NDUFS4: variants seen among roughly 807,000 people sequenced by gnomAD.
The protein encoded by NDUFS4 is NADH dehydrogenase [ubiquinone] iron-sulfur protein 4, mitochondrial.
A neutral mutation model predicts 24.3 loss-of-function variants in NDUFS4; 28 were observed. That is an observed-to-expected ratio of 1.15 (90% CI 0.85 to 1.58). NDUFS4 has a LOEUF of 1.58. Ranked by LOEUF, NDUFS4 falls within the 40% of genes most tolerant of loss-of-function variation. NDUFS4 has a pLI of 0.00. For synonymous variants in NDUFS4, 93 were observed against 69.7 expected, an observed-to-expected ratio of 1.34 and a Z score of -1.67; for missense variants, 223 against 207.9, an observed-to-expected ratio of 1.07 and a Z score of -0.45.
At chr5:53,563,236 C>CAAAAAAAAAAA (rs906204561) in intron 1 of NDUFS4, among the ~76,000 whole-genome samples, 6 of 105,042 alleles carry the variant, frequency 5.7e-5, no homozygotes, top group Non-Finnish European at 9.3e-5. Flanking sequence ...CTCAAAAAAA[C>CAAAAAAAAAAA]AAAAAAAAAA....
Position 53,653,668 on chromosome 5 carries a change from C to T in NDUFS4, c.351-4883C>T, listed in dbSNP as rs532895005. On this transcript the variant is annotated intron_variant, in intron 3 of 4. Coordinates refer to ENST00000296684, the MANE Select transcript of NDUFS4 (RefSeq NM_002495.4). ...ACCCTCTCACCAGTATACCCGCCCT[C>T]CCTCCATAGAAGCCCCCACAACAAT... Among the ~76,000 whole-genome samples the T allele has an allele frequency of 5.3e-5, 8 of 152,192 alleles. No individual in the cohort carries two copies. In the East Asian group the frequency reaches 1.5e-3, roughly 29 times the overall value.
intron 1 of NDUFS4, among the ~76,000 whole-genome samples, chr5:53,573,160 CA>C (rs1198412390): frequency 6.6e-6 from 1 of 150,634 alleles, no homozygotes; most frequent in Non-Finnish European, 1.5e-5. Context: ...TTTTTGTAGA[CA>C]TGGGTGTCTC....
intron 1 of NDUFS4, among the ~76,000 whole-genome samples, chr5:53,596,872 C>T (rs1031824412): frequency 6.6e-6 from 1 of 151,974 alleles, no homozygotes; most frequent in Non-Finnish European, 1.5e-5. Context: ...TCTAAAAGTC[C>T]AACACATTAT....
intron 2 of NDUFS4, among the ~76,000 whole-genome samples, chr5:53,643,907 A>G (rs1251957076): frequency 1.3e-5 from 2 of 152,166 alleles, no homozygotes; most frequent in Non-Finnish European, 2.9e-5. Flanking sequence ...CCAACTTTAA[A>G]TTAGGGTAAG....
At chr5:53,651,462 G>A (rs1012805956) in intron 3 of NDUFS4, among the ~76,000 whole-genome samples, 1 of 151,498 alleles carries the variant, frequency 6.6e-6, no homozygotes, top group Non-Finnish European at 1.5e-5. Flanking sequence ...CCATAGTTTG[G>A]GTTCTCAGCC....
intron 4 of NDUFS4, among the ~76,000 whole-genome samples, chr5:53,674,088 TTAATG>T (rs1295802435): frequency 2.6e-5 from 4 of 152,292 alleles, no homozygotes; most frequent in African/African-American, 9.6e-5. Flanking sequence ...ACATATTTAT[TTAATG>T]TAAGTTTTAT....
intron 4 of NDUFS4, 26 bp downstream of exon 4, chr5:53,658,650 G>T: frequency 3.2e-6 from 5 of 1,573,002 alleles, no homozygotes; most frequent in Non-Finnish European, 4.4e-6. Context: ...TTTTGACAAA[G>T]TCAAGATAAT....
intron 2 of NDUFS4, among the ~76,000 whole-genome samples, chr5:53,612,457 ATTAT>A (rs1298268223): frequency 1.3e-5 from 2 of 152,116 alleles, no homozygotes; most frequent in African/African-American, 2.4e-5. Context: ...AAGGACATCT[ATTAT>A]TTCAAAACTT....
At chr5:53,627,376 T>C (rs989540347) in intron 2 of NDUFS4, among the ~76,000 whole-genome samples, 2 of 152,312 alleles carry the variant, frequency 1.3e-5, no homozygotes, top group East Asian at 3.9e-4. Context: ...TCCTTTTTGG[T>C]TCCATATGAA....
chr5:53,603,849 T>G (rs1332506330), intron 2 of NDUFS4, among the ~76,000 whole-genome samples: 1 of 152,186 alleles, frequency 6.6e-6, no homozygotes, highest in African/African-American at 2.4e-5. Context: ...GTTACACTCC[T>G]ATTTAAGTTG....
At chr5:53,596,723 C>T (rs771416972) in intron 1 of NDUFS4, among the ~76,000 whole-genome samples, 10 of 152,044 alleles carry the variant, frequency 6.6e-5, no homozygotes, top group Non-Finnish European at 1.3e-4. Context: ...TATGGCTTAG[C>T]ATGGAAATAC....
intron 4 of NDUFS4, among the ~76,000 whole-genome samples, chr5:53,681,137 T>TAACA (rs944086805): frequency 6.6e-6 from 1 of 152,118 alleles, no homozygotes; most frequent in African/African-American, 2.4e-5. Flanking sequence ...AAATAATACT[T>TAACA]AACATTTATT....
At chr5:53,660,760 G>A (rs555395262) in intron 4 of NDUFS4, among the ~76,000 whole-genome samples, 8 of 152,302 alleles carry the variant, frequency 5.3e-5, no homozygotes, top group Non-Finnish European at 1.0e-4. Context: ...GTGATGATGG[G>A]CATTTTTTCA....
intron 1 of NDUFS4, 88 bp from the exon 2 acceptor site, chr5:53,603,354 TAAGACAGATA>T: frequency 2.9e-5 from 21 of 715,518 alleles, no homozygotes; most frequent in Middle Eastern, 2.9e-4. Flanking sequence ...TTTTTTTTAA[TAAGACAGATA>T]TTGTTAAAGT....
intron 4 of NDUFS4, among the ~76,000 whole-genome samples, chr5:53,676,266 AGTT>A (rs1740465745): frequency 1.3e-5 from 2 of 152,178 alleles, no homozygotes; most frequent in African/African-American, 2.4e-5. Context: ...TCTCAATTAT[AGTT>A]GTTCTCCTTA....
At chr5:53,568,473 A>C (rs983132974) in intron 1 of NDUFS4, among the ~76,000 whole-genome samples, 2 of 152,160 alleles carry the variant, frequency 1.3e-5, no homozygotes, top group African/African-American at 4.8e-5. Context: ...AGAAACAAAA[A>C]TTCTTCCATT....
intron 4 of NDUFS4, among the ~76,000 whole-genome samples, chr5:53,665,264 A>C (rs1752479214): frequency 6.6e-6 from 1 of 152,044 alleles, no homozygotes; most frequent in Admixed American, 6.5e-5. Flanking sequence ...CAGTTAGGCT[A>C]CTCAGGGGTC....
At chr5:53,657,934 A>AC (rs559707929) in intron 3 of NDUFS4, among the ~76,000 whole-genome samples, 14,512 of 151,180 alleles carry the variant, frequency 0.096, 1,032 homozygotes, top group Admixed American at 0.21. Context: ...CAAAAAAAAA[A>AC]AAAAAAAAGA....
intron 1 of NDUFS4, among the ~76,000 whole-genome samples, chr5:53,600,177 T>G (rs1397702049): frequency 6.6e-6 from 1 of 151,934 alleles, no homozygotes; most frequent in Non-Finnish European, 1.5e-5. Flanking sequence ...TTTTGTATTT[T>G]TAGTGGAGAC....
Sources: allele counts gnomAD v4.1 joint callset (sites outside exome capture counted in the v4.1 genomes callset), GRCh38; gene constraint gnomAD v4.1.1; transcripts MANE v1.5; gene names NCBI Gene and HGNC (gene_info 2026-07-23, HGNC 2026-07-21).